Variants in CPLANE1 observed in about 807,000 individuals in gnomAD.
CPLANE1 encodes ciliogenesis and planar polarity effector complex subunit 1, also known as ciliogenesis and planar polarity effector 1.
Under a neutral mutation model 362.5 loss-of-function variants are expected in CPLANE1, and 263 were observed. The observed-to-expected ratio is 0.73, with a 90% confidence interval of 0.66 to 0.80. The LOEUF is 0.80. CPLANE1 is among the 30% of genes least tolerant of loss of function. The probability of loss-of-function intolerance (pLI) is 0.00; values close to 1 mark genes in which losing one functional copy is unlikely to be tolerated. For missense variants in CPLANE1, 3,461 were observed against 3,793.4 expected (o/e 0.91, Z 2.30); for synonymous variants, 1,212 against 1,302.6 (o/e 0.93, Z 1.50).
chr5:37,234,126 C>T (rs752638345), intron 8 of CPLANE1, among the ~76,000 whole-genome samples: 8 of 152,110 alleles, frequency 5.3e-5, no homozygotes, highest in South Asian at 2.1e-4. Context: ...AAACAAGCAA[C>T]GGCTGTACCA....
Position 37,212,161 on chromosome 5 carries a change from A to G in CPLANE1, c.2920+1398T>C, listed in dbSNP as rs1001420401. 7.0e-6 allele frequency: 8 copies of G among 1,144,502 alleles called. No homozygotes were observed. In the African/African-American group the frequency reaches 1.2e-4, roughly 18 times the overall value. The allele number at this position is 1,144,502 out of a possible 1,614,324, so 70.9% of individuals were successfully genotyped here. On this transcript the variant is annotated intron_variant, in intron 16 of 52. Transcript: ENST00000651892. ...GAATCACTGAAGATTGAAATGGAAA[A>G]TGAATTAGAAATGAGTAATCAAGAA...
At chr5:37,194,657 C>CTTTTT (rs575103511) in intron 21 of CPLANE1, among the ~76,000 whole-genome samples, 2 of 135,168 alleles carry the variant, frequency 1.5e-5, no homozygotes, top group African/African-American at 2.7e-5. Context: ...TAAGAATAAA[C>CTTTTT]TTTTTTTTTT....
intron 6 of CPLANE1, among the ~76,000 whole-genome samples, chr5:37,240,254 G>C (rs1800060610): frequency 6.6e-6 from 1 of 152,128 alleles, no homozygotes; most frequent in Non-Finnish European, 1.5e-5. Context: ...GGAGGCTGAG[G>C]CAGGAGAATT....
intron 21 of CPLANE1, 72 bp downstream of exon 21, chr5:37,195,786 A>G: frequency 6.8e-7 from 1 of 1,479,790 alleles, no homozygotes; most frequent in African/African-American, 1.4e-5. Context: ...TTGAAGAGTC[A>G]ATACTTTCCC....
intron 21 of CPLANE1, among the ~76,000 whole-genome samples, chr5:37,189,870 G>T (rs960921701): frequency 6.6e-6 from 1 of 151,962 alleles, no homozygotes; most frequent in Non-Finnish European, 1.5e-5. Context: ...GTGGTGGTGT[G>T]CACCTGTAAT....
chr5:37,095,193 TA>T, the CPLANE1 span, among the ~76,000 whole-genome samples: 1 of 152,126 alleles, frequency 6.6e-6, no homozygotes, highest in Admixed American at 6.6e-5. Context: ...AACAAAATAC[TA>T]GCTAACAGAA....
chr5:37,089,172 C>T, the CPLANE1 span, among the ~76,000 whole-genome samples: 1 of 152,162 alleles, frequency 6.6e-6, no homozygotes, highest in Non-Finnish European at 1.5e-5. Context: ...GTGATCAAAA[C>T]TGGCCAGAAA....
intron 43 of CPLANE1, among the ~76,000 whole-genome samples, chr5:37,147,971 C>CAAA (rs11284644): frequency 0.069 from 1,063 of 15,312 alleles, 261 homozygotes; most frequent in African/African-American, 0.12. Context: ...ACTGCCTTCT[C>CAAA]AAAAAAAAAA....
the CPLANE1 span, among the ~76,000 whole-genome samples, chr5:37,091,671 T>G: frequency 6.6e-6 from 1 of 152,218 alleles, no homozygotes; most frequent in Non-Finnish European, 1.5e-5. Context: ...ACATAAAGCC[T>G]GCAGTTTTAT....
At position 37,179,406 on chromosome 5, in the gene CPLANE1, G is replaced by A. The variant is rs771747340; in HGVS notation, c.5775C>T (p.Pro1925=). 1.2e-6 allele frequency: 2 copies of A among 1,613,262 alleles called. No homozygotes were observed. The highest frequency in any genetic ancestry group is 3.3e-5 in the Admixed American group (2 of 59,956). Residue 1925 remains proline, a synonymous_variant, in exon 29 of 53, where the codon CCC becomes CCT. Transcript: ENST00000651892. ...AAGTCATCATGCAAATGGCAAGACT[G>A]GGACTTCTGAAACCTCCAACAGATT... The part of the protein sequence containing the change: ...IEESVGGFRS[P]SLAICMMTLP...
At chr5:37,243,193 T>C (rs1449480814) in intron 5 of CPLANE1, 74 bp from the exon 6 acceptor site, 2 of 829,946 alleles carry the variant, frequency 2.4e-6, no homozygotes, top group Admixed American at 3.1e-5. Flanking sequence ...TACATATATA[T>C]ATTCCTCATC....
At chr5:37,241,627 A>T (rs1219424031) in intron 6 of CPLANE1, among the ~76,000 whole-genome samples, 3 of 151,914 alleles carry the variant, frequency 2.0e-5, no homozygotes, top group Non-Finnish European at 2.9e-5. Context: ...ATCTTATTTT[A>T]TTTATTTATT....
Position 37,198,723 on chromosome 5 carries a change from C to T in CPLANE1, c.3651G>A (p.Trp1217Ter). 6.2e-7 allele frequency: 1 copy of T among 1,613,340 alleles called. No individual in the cohort carries two copies. Among genetic ancestry groups the T allele is most frequent in the Non-Finnish European group, 8.5e-7 (1 of 1,179,628 alleles). Residue 1217 changes from tryptophan (W) to a stop codon, truncating the protein, a stop_gained, in exon 20 of 53, where the codon TGG becomes TGA. Transcript: ENST00000651892. LOFTEE classifies it high-confidence loss of function. ...ATACCTTCTGCATGACTTTTCTTGC[C>T]CACCTCAACTGCAATATATACCACT... Reference protein sequence around the residue: ...VAQWYILQLRWARKVMQKIRM... With the variant: ...VAQWYILQLR
intron 41 of CPLANE1, among the ~76,000 whole-genome samples, chr5:37,155,219 A>C (rs1432188992): frequency 2.0e-5 from 3 of 152,208 alleles, no homozygotes; most frequent in African/African-American, 7.2e-5. Flanking sequence ...GTGTGTCTCC[A>C]ATACCTTCAC....
chr5:37,167,528 CA>C (rs1292564611), intron 34 of CPLANE1, among the ~76,000 whole-genome samples: 8 of 152,180 alleles, frequency 5.3e-5, no homozygotes, highest in African/African-American at 1.9e-4. Flanking sequence ...CCTGTAATCC[CA>C]GCACTTTGGG....
At chr5:37,090,469 A>G in the CPLANE1 span, among the ~76,000 whole-genome samples, 1 of 152,242 alleles carries the variant, frequency 6.6e-6, no homozygotes, top group Non-Finnish European at 1.5e-5. Context: ...AGCAATTCAA[A>G]GCAGTATTGC....
At chr5:37,114,732 T>G (rs1010130426) in intron 51 of CPLANE1, among the ~76,000 whole-genome samples, 1 of 152,078 alleles carries the variant, frequency 6.6e-6, no homozygotes, top group African/African-American at 2.4e-5. Context: ...AAACCCCATC[T>G]CTACGAAAAA....
rs1020625721 is a variant in CPLANE1 at position 37,140,521 on chromosome 5, T to C, written c.8633-1151A>G. The C allele has an allele frequency of 1.8e-5, 18 of 984,262 alleles. No individual in the cohort carries two copies. In the African/African-American group the frequency reaches 2.4e-4, roughly 13 times the overall value. 61.0% of individuals were successfully genotyped at this position (984,262 alleles called of 1,614,324 possible). ...CTACCCCTTATAGCTTTTTACTAGGTAGAAAAAGATATTAATCCTATGTAC... is the reference window on the plus strand; with the variant it reads ...CTACCCCTTATAGCTTTTTACTAGGCAGAAAAAGATATTAATCCTATGTAC... On this transcript the variant is annotated intron_variant, in intron 44 of 52. Coordinates refer to ENST00000651892, the MANE Select transcript of CPLANE1 (RefSeq NM_001384732.1).
Position 37,247,646 on chromosome 5 carries a change from G to T in CPLANE1, c.53C>A (p.Pro18Gln). ...TCCCAACCAGGAGACACGTGGCCAT[G>T]GTTTTTTCTGCTTAATACCTGTTGA... is the stretch of plus-strand genomic sequence containing the variant. ...LTSTGIKQKKPWPRVSWLGKE... is the reference protein window; with the variant it reads ...LTSTGIKQKKQWPRVSWLGKE... Residue 18 changes from proline to glutamine, a missense_variant, in exon 2 of 53, where the codon CCA becomes CAA. Pro to Gln is a moderately conservative substitution (Grantham distance 76). Transcript: ENST00000651892. 1 of 1,551,156 alleles carries T rather than the reference G, an allele frequency of 6.4e-7. No individual in the cohort carries two copies. Among genetic ancestry groups the T allele is most frequent in the Non-Finnish European group, 8.7e-7 (1 of 1,146,540 alleles).
Sources: allele counts gnomAD v4.1 joint callset (sites outside exome capture counted in the v4.1 genomes callset), GRCh38; gene constraint gnomAD v4.1.1; transcripts MANE v1.5; gene names NCBI Gene and HGNC (gene_info 2026-07-23, HGNC 2026-07-21).